KRT75: variants seen among roughly 807,000 people sequenced by gnomAD.
The protein encoded by KRT75 is keratin, type II cytoskeletal 75.
A neutral mutation model predicts 48.8 loss-of-function variants in KRT75; 35 were observed. That is an observed-to-expected ratio of 0.72 (90% CI 0.55 to 0.95). The LOEUF is 0.95. Among genes scored for constraint, KRT75 ranks in the 40% least tolerant of loss-of-function variants. The pLI is 0.00. For missense variants in KRT75, 776 were observed against 709.9 expected (o/e 1.09, Z -1.06); for synonymous variants, 301 against 282.3 (o/e 1.07, Z -0.66).
intron 5 of KRT75, among the ~76,000 whole-genome samples, chr12:52,429,159 C>T (rs1297736230): frequency 6.6e-6 from 1 of 152,084 alleles, no homozygotes; most frequent in Non-Finnish European, 1.5e-5. Context: ...GACTCTGGGT[C>T]AGGGAAGGAA....
At chr12:52,425,264 C>T (rs1940063322) in intron 8 of KRT75, among the ~76,000 whole-genome samples, 1 of 152,208 alleles carries the variant, frequency 6.6e-6, no homozygotes, top group Non-Finnish European at 1.5e-5. Context: ...CCAACCTATT[C>T]TTCTCCTAAT....
At chr12:52,430,044 C>T (rs1331083108) in intron 5 of KRT75, among the ~76,000 whole-genome samples, 1 of 152,126 alleles carries the variant, frequency 6.6e-6, no homozygotes, top group Non-Finnish European at 1.5e-5. Flanking sequence ...TCATGGCTTC[C>T]CAACTGTACA....
At chr12:52,428,520 G>A in intron 6 of KRT75, 44 bp from the exon 7 acceptor site, 1 of 1,612,584 alleles carries the variant, frequency 6.2e-7, no homozygotes, top group Admixed American at 1.7e-5. Context: ...GACAGCCCAT[G>A]GAGGTGTGGT....
intron 7 of KRT75, among the ~76,000 whole-genome samples, chr12:52,427,226 A>T (rs1414132018): frequency 2.6e-5 from 4 of 152,258 alleles, no homozygotes; most frequent in African/African-American, 9.6e-5. Context: ...TCATGCACTG[A>T]GCCAGGGCTG....
Position 52,430,671 on chromosome 12 carries a change from G to A in KRT75, c.905C>T (p.Thr302Ile). Reference sequence around the variant, plus strand: ...GTTGTCCATGGACAGCACCACGGATGTGTCACCGACCTGGGTCTGCAACTG... The same window carrying A: ...GTTGTCCATGGACAGCACCACGGATATGTCACCGACCTGGGTCTGCAACTG... ...LSQLQTQVGD[T>I]SVVLSMDNNR... Residue 302 changes from threonine to isoleucine, a missense_variant, in exon 5 of 9, where the codon ACA becomes ATA. Physicochemically the swap from Thr to Ile is moderately conservative, Grantham distance 89. Transcript: ENST00000252245. 5 of 1,614,182 alleles carry A rather than the reference G, an allele frequency of 3.1e-6. No individual in the cohort carries two copies. In the South Asian group the frequency reaches 3.3e-5, roughly 11 times the overall value.
In KRT75 at chr12:52,428,612, C is replaced by A; in HGVS notation, c.1161+6G>T. On this transcript the variant is annotated splice_donor_region_variant and intron_variant, in intron 6 of 8. Coordinates refer to ENST00000252245, the MANE Select transcript of KRT75 (RefSeq NM_004693.3). The stretch of plus-strand genomic sequence containing the variant: ...TGAGGAGCTCTTGGCCCTGCCAAAT[C>A]TTTACCTGCTTCTTGACGCTGTCAA... 1 of 1,614,266 alleles carries A rather than the reference C, an allele frequency of 6.2e-7. No homozygotes were observed. Among genetic ancestry groups the A allele is most frequent in the Non-Finnish European group, 8.5e-7 (1 of 1,180,054 alleles).
chr12:52,430,702 G>T lies in KRT75; in HGVS notation c.874C>A (p.Leu292Met), dbSNP rs1378369965. ...CCGACCTGGGTCTGCAACTGGGACA[G>T]CTCCTGCAGGGCAGTAAACTCAGCA... ...NFIHSVFDAE[L>M]SQLQTQVGDT... The change falls in exon 5 of 9, where the codon CTG becomes ATG. Residue 292 changes from leucine to methionine, a missense_variant. Coordinates refer to ENST00000252245, the MANE Select transcript of KRT75 (RefSeq NM_004693.3). 1.2e-5 allele frequency: 19 copies of T among 1,614,068 alleles called. No individual in the cohort carries two copies. The highest frequency in any genetic ancestry group is 1.5e-5 in the Non-Finnish European group (18 of 1,180,010).
intron 4 of KRT75, among the ~76,000 whole-genome samples, 165 bp from the exon 5 acceptor site, chr12:52,430,870 A>T (rs1300127665): frequency 6.6e-6 from 1 of 152,200 alleles, no homozygotes; most frequent in Non-Finnish European, 1.5e-5. Flanking sequence ...CAGTGTGGTG[A>T]AAATCTTTCC....
At chr12:52,433,329 A>G in intron 1 of KRT75, 77 bp from the exon 2 acceptor site, 1 of 1,248,026 alleles carries the variant, frequency 8.0e-7, no homozygotes, top group South Asian at 1.2e-5. Flanking sequence ...TAAGGGAGAG[A>G]AGAAAAAGAT....
At chr12:52,430,057 G>A (rs975490245) in intron 5 of KRT75, among the ~76,000 whole-genome samples, 2 of 152,054 alleles carry the variant, frequency 1.3e-5, no homozygotes, top group African/African-American at 4.8e-5. Context: ...ACTGTACAAA[G>A]CCCCCATGTC....
At chr12:52,432,970 C>T (rs1257957708) in intron 2 of KRT75, 68 bp downstream of exon 2, 24 of 1,504,704 alleles carry the variant, frequency 1.6e-5, no homozygotes, top group Non-Finnish European at 2.2e-5. Context: ...TCCTTTGCAC[C>T]TCTCTGGTCC....
In KRT75 at chr12:52,430,631, G is replaced by T; in HGVS notation, c.945C>A (p.Asp315Glu). 2 of 1,614,168 alleles carry T rather than the reference G, an allele frequency of 1.2e-6. No individual in the cohort carries two copies. The highest frequency in any genetic ancestry group is 1.1e-5 in the South Asian group (1 of 91,084). The change falls in exon 5 of 9, where the codon GAC (aspartate) becomes GAA (glutamate). Residue 315 changes from aspartate to glutamate, a missense_variant. By Grantham distance (45) the Asp-to-Glu change is conservative. Transcript: ENST00000252245. The part of the protein sequence containing the change: ...VLSMDNNRNL[D>E]LDSIIAEVKA... ...TGACCTCGGCGATGATACTATCCAG[G>T]TCCAGGTTGCGGTTGTTGTCCATGG... is the stretch of plus-strand genomic sequence containing the variant.
chr12:52,424,240 C>A lies in KRT75; in HGVS notation c.*277G>T. The A allele has an allele frequency of 2.0e-6, 1 of 506,368 alleles. No homozygotes were observed. Among genetic ancestry groups the A allele is most frequent in the Non-Finnish European group, 3.6e-6 (1 of 276,416 alleles). 31.4% of individuals were successfully genotyped at this position (506,368 alleles called of 1,614,324 possible). A position where few individuals can be genotyped will look rare whatever the true frequency, so the allele number is the denominator to read the frequency against. On this transcript the variant is annotated 3_prime_UTR_variant, in exon 9 of 9. Coordinates refer to ENST00000252245, the MANE Select transcript of KRT75 (RefSeq NM_004693.3). ...GGAGGGAGGTGGAGCTGGAGGAGGACTTTCCAGCTGCCCGGGCCTCGCAAG... is the reference window on the plus strand; with the variant it reads ...GGAGGGAGGTGGAGCTGGAGGAGGAATTTCCAGCTGCCCGGGCCTCGCAAG...
In KRT75 at chr12:52,424,717, C is replaced by T. The variant is rs148114656; in HGVS notation, c.1456G>A (p.Gly486Ser). The T allele has an allele frequency of 3.7e-5, 60 of 1,613,996 alleles. No homozygotes were observed. The African/African-American group carries it at 4.4e-4, about 12-fold the overall frequency. The part of the protein sequence containing the change: ...TSTLSSGYGS[G>S]SSIGGGNLGL... ...AGGTTTCCACCTCCAATGCTGCTGC[C>T]GCTTCCATAGCCACTGGAAAGAGTA... is the stretch of plus-strand genomic sequence containing the variant. Residue 486 changes from glycine to serine, a missense_variant, in exon 9 of 9, where the codon GGC (glycine) becomes AGC (serine). Physicochemically the swap from Gly to Ser is moderately conservative, Grantham distance 56. Transcript: ENST00000252245.
rs535185106 is a variant in KRT75, at chr12:52,434,294, T to G, written c.11A>C (p.Gln4Pro). ...GCCAGACTGGAAGGTGATGGAGGAC[T>G]GCCGAGACATGGTGGGTGAGGAAGG... MSR[Q>P]SSITFQSGSR... is the part of the protein sequence containing the mutation. Residue 4 changes from glutamine to proline, a missense_variant, in exon 1 of 9, where the codon CAG becomes CCG. Transcript: ENST00000252245. 2 of 1,586,966 alleles carry G rather than the reference T, an allele frequency of 1.3e-6. No homozygotes were observed. Among genetic ancestry groups the G allele is most frequent in the African/African-American group, 1.3e-5 (1 of 74,720 alleles).
chr12:52,425,023 C>T (rs1940060931), intron 8 of KRT75, among the ~76,000 whole-genome samples: 1 of 152,198 alleles, frequency 6.6e-6, no homozygotes, highest in Non-Finnish European at 1.5e-5. Context: ...CTCCAGTCCA[C>T]CTGCTTTCCC....
rs1940133230 is a variant in KRT75, at chr12:52,430,685, G to A, written c.891C>T (p.Thr297=). ...VFDAELSQLQ[T]QVGDTSVVLS... Reference sequence around the variant, plus strand: ...GCACCACGGATGTGTCACCGACCTGGGTCTGCAACTGGGACAGCTCCTGCA... The same window carrying A: ...GCACCACGGATGTGTCACCGACCTGAGTCTGCAACTGGGACAGCTCCTGCA... Residue 297 remains threonine, a synonymous_variant, in exon 5 of 9, where the codon ACC becomes ACT. Coordinates refer to ENST00000252245, the MANE Select transcript of KRT75 (RefSeq NM_004693.3). 6.2e-7 allele frequency: 1 copy of A among 1,614,148 alleles called. No homozygotes were observed. Among genetic ancestry groups the A allele is most frequent in the African/African-American group, 1.3e-5 (1 of 75,044 alleles).
Position 52,434,162 on chromosome 12 carries a change from C to T in KRT75, c.143G>A (p.Gly48Glu). The change falls in exon 1 of 9, where the codon GGA becomes GAA. Residue 48 changes from glycine to glutamate, a missense_variant. By Grantham distance (98) the Gly-to-Glu change is moderately conservative. Coordinates refer to ENST00000252245, the MANE Select transcript of KRT75 (RefSeq NM_004693.3). Reference sequence around the variant, plus strand: ...GCTGGCCCCAGCACTGCTGATCCTTCCCAGGCCCCCACTCCCTGCTGCAGA... The same window carrying T: ...GCTGGCCCCAGCACTGCTGATCCTTTCCAGGCCCCCACTCCCTGCTGCAGA... Reference protein sequence around the residue: ...ARSAAGSGGLGRISSAGASFG... With the variant: ...ARSAAGSGGLERISSAGASFG... 1 of 1,613,410 alleles carries T rather than the reference C, an allele frequency of 6.2e-7. No individual in the cohort carries two copies. The highest frequency in any genetic ancestry group is 8.5e-7 in the Non-Finnish European group (1 of 1,179,522).
chr12:52,432,013 A>G lies in KRT75; in HGVS notation c.767T>C (p.Leu256Pro), dbSNP rs760354917. 5 of 1,614,154 alleles carry G rather than the reference A, an allele frequency of 3.1e-6. No homozygotes were observed. In the South Asian group the frequency reaches 4.4e-5, roughly 14 times the overall value. Residue 256 changes from leucine (L) to proline (P), a missense_variant, in exon 3 of 9, where the codon CTG (leucine) becomes CCG (proline). Leu to Pro is a moderately conservative substitution (Grantham distance 98, BLOSUM62 -3). Transcript: ENST00000252245. ...AGAAACATCCCCACTCACCTTTTTCAGGGCTACAAATTCATTCTCAGCAGC... is the reference window on the plus strand; with the variant it reads ...AGAAACATCCCCACTCACCTTTTTCGGGGCTACAAATTCATTCTCAGCAGC... ...RTAAENEFVA[L>P]KKDVDAAYMN...
Sources: allele counts gnomAD v4.1 joint callset (sites outside exome capture counted in the v4.1 genomes callset), GRCh38; gene constraint gnomAD v4.1.1; transcripts MANE v1.5; gene names NCBI Gene and HGNC (gene_info 2026-07-23, HGNC 2026-07-21).